RAB3GAP2: variants seen among roughly 807,000 people sequenced by gnomAD.
The protein encoded by RAB3GAP2 is rab3 GTPase-activating protein non-catalytic subunit.
RAB3GAP2 carries 87 observed loss-of-function variants against 185.3 expected under a neutral mutation model. That is an observed-to-expected ratio of 0.47 (90% CI 0.39 to 0.56). The LOEUF (loss-of-function observed/expected upper bound fraction) is 0.56, where lower values mean the gene tolerates loss of function less well. Ranked by LOEUF, RAB3GAP2 falls within the 20% of genes least tolerant of loss-of-function variation. RAB3GAP2 has a pLI of 0.00. For missense variants in RAB3GAP2, 1,492 were observed against 1,638.2 expected, an observed-to-expected ratio of 0.91 and a Z score of 1.54; for synonymous variants, 554 against 576.1, an observed-to-expected ratio of 0.96 and a Z score of 0.55.
chr1:220,175,459 C>T (rs143095689), intron 21 of RAB3GAP2, among the ~76,000 whole-genome samples: 23,214 of 151,908 alleles, frequency 0.15, 2,174 homozygotes, highest in Admixed American at 0.23. Context: ...CCTCGTGATT[C>T]GCCCGCCTTG....
At chr1:220,157,564 T>A (rs1300308920) in intron 30 of RAB3GAP2, 76 bp from the exon 31 acceptor site, 2 of 1,474,470 alleles carry the variant, frequency 1.4e-6, no homozygotes, top group African/African-American at 1.4e-5. Context: ...ATGAGTTTAT[T>A]AGCAGCAAAG....
At chr1:220,172,568 C>G in intron 22 of RAB3GAP2, 69 bp downstream of exon 22, 3 of 1,023,600 alleles carry the variant, frequency 2.9e-6, no homozygotes, top group Non-Finnish European at 4.7e-6. Context: ...GGATCCTATC[C>G]ACTCTCCCAT....
chr1:220,150,101 TTTTTC>T lies in RAB3GAP2; in HGVS notation c.*1145_*1149del, dbSNP rs1657719285. 7.7e-6 allele frequency: 1 copy of T among 130,188 alleles called. No homozygotes were observed. Among genetic ancestry groups the T allele is most frequent in the Non-Finnish European group, 1.6e-5 (1 of 64,180 alleles). 8.1% of individuals were successfully genotyped at this position (130,188 alleles called of 1,614,324 possible). ...TTTACAGAGTTTTGGTTAGTTTGGT[TTTTTC>T]TTTTTTTTTTTTTTTTCGAGACAGG... On this transcript the variant is annotated 3_prime_UTR_variant, in exon 35 of 35. Transcript: ENST00000358951.
intron 1 of RAB3GAP2, among the ~76,000 whole-genome samples, chr1:220,250,577 A>G (rs1196421722): frequency 6.6e-6 from 1 of 152,192 alleles, no homozygotes; most frequent in African/African-American, 2.4e-5. Context: ...ATGTGAGGAC[A>G]TGAGATTTGG....
intron 1 of RAB3GAP2, among the ~76,000 whole-genome samples, chr1:220,237,139 A>G (rs73087846): frequency 0.019 from 2,948 of 152,298 alleles, 98 homozygotes; most frequent in African/African-American, 0.066. Flanking sequence ...AAAAGGTATC[A>G]TGGAATTAAG....
At chr1:220,214,364 A>C (rs1478788293) in intron 2 of RAB3GAP2, among the ~76,000 whole-genome samples, 1 of 152,116 alleles carries the variant, frequency 6.6e-6, no homozygotes, top group Admixed American at 6.5e-5. Context: ...CATCTCTACT[A>C]ATAATACAAA....
chr1:220,235,666 T>C (rs1189381473), intron 1 of RAB3GAP2, among the ~76,000 whole-genome samples: 1 of 152,160 alleles, frequency 6.6e-6, no homozygotes, highest in Non-Finnish European at 1.5e-5. Context: ...TGAATGTGTA[T>C]AAAATAAACT....
intron 6 of RAB3GAP2, 147 bp from the exon 7 acceptor site, chr1:220,210,636 T>A (rs369872585): frequency 1.0e-6 from 1 of 969,692 alleles, no homozygotes; most frequent in East Asian, 2.6e-5. Flanking sequence ...CTTCTCTGTA[T>A]CTTCTACCAG....
chr1:220,185,799 A>T (rs1658497498), intron 17 of RAB3GAP2, 58 bp from the exon 18 acceptor site: 2 of 1,378,706 alleles, frequency 1.5e-6, no homozygotes, highest in Admixed American at 1.7e-5. Context: ...TTGTTTTTTA[A>T]ATCTTATATT....
At chr1:220,243,308 C>G (rs973029135) in intron 1 of RAB3GAP2, among the ~76,000 whole-genome samples, 1 of 148,414 alleles carries the variant, frequency 6.7e-6, no homozygotes, top group Non-Finnish European at 1.5e-5. Flanking sequence ...AAGCCGAGAT[C>G]GTGCCACTGC....
chr1:220,261,136 T>G (rs1394427717), intron 1 of RAB3GAP2, among the ~76,000 whole-genome samples: 1 of 152,170 alleles, frequency 6.6e-6, no homozygotes, highest in Non-Finnish European at 1.5e-5. Flanking sequence ...TTCTCTCTTC[T>G]GGGGAACTTA....
intron 1 of RAB3GAP2, chr1:220,254,632 T>C: frequency 1.0e-6 from 1 of 960,492 alleles, no homozygotes; most frequent in Non-Finnish European, 1.6e-6. Flanking sequence ...TTTGAAGATG[T>C]TAGTGTATAA....
At chr1:220,267,316 TG>T in intron 1 of RAB3GAP2, 1 of 1,007,044 alleles carries the variant, frequency 9.9e-7, no homozygotes. Context: ...GGTGGCATCA[TG>T]GAAATAACCA....
intron 1 of RAB3GAP2, among the ~76,000 whole-genome samples, chr1:220,247,023 A>G (rs2102518225): frequency 6.6e-6 from 1 of 152,334 alleles, no homozygotes; most frequent in South Asian, 2.1e-4. Context: ...CATCACTAAT[A>G]ATGAGGGAAA....
At chr1:220,255,307 T>C (rs796615442) in intron 1 of RAB3GAP2, among the ~76,000 whole-genome samples, 4 of 151,634 alleles carry the variant, frequency 2.6e-5, no homozygotes, top group African/African-American at 9.7e-5. Flanking sequence ...TGAAGATAGA[T>C]AGCCCCCAAA....
intron 9 of RAB3GAP2, among the ~76,000 whole-genome samples, chr1:220,199,437 A>G (rs924794061): frequency 7.9e-5 from 12 of 152,174 alleles, no homozygotes; most frequent in Admixed American, 7.9e-4. Context: ...TGTAACTTTC[A>G]TATCAAAAGT....
intron 9 of RAB3GAP2, among the ~76,000 whole-genome samples, chr1:220,199,490 CTTCTT>C (rs1324403603): frequency 2.0e-5 from 3 of 152,150 alleles, no homozygotes; most frequent in Non-Finnish European, 4.4e-5. Context: ...AATGGACCTT[CTTCTT>C]TTCTTGAACT....
chr1:220,232,059 C>G lies in RAB3GAP2; in HGVS notation c.180+740G>C, dbSNP rs184171010. 1.7e-3 allele frequency among the ~76,000 whole-genome samples: 259 copies of G among 152,230 alleles called. 1 individual carries two copies. Among genetic ancestry groups the G allele is most frequent in the Admixed American group, 2.8e-3 (43 of 15,294 alleles). On this transcript the variant is annotated intron_variant, in intron 2 of 34. Transcript: ENST00000358951. ...GAAAATATACTAACATATATAGGAA[C>G]TTTGTCTGCCTTGTTCCTTGCTATA...
Position 220,151,644 on chromosome 1 carries a change from T to C in RAB3GAP2, c.3988A>G (p.Arg1330Gly). The change falls in exon 34 of 35, where the codon AGA (arginine) becomes GGA (glycine). Residue 1330 changes from arginine (R) to glycine (G), a missense_variant. Around this residue, in one of 5 missense-constraint regions of RAB3GAP2, gnomAD observed 387 missense variants for 455.3 expected, o/e 0.85. Transcript: ENST00000358951. ...QTKEGMELLA[R>G]LPPTLCTWLK... ...CAAGTACACAGTGTGGGTGGAAGTC[T>C]GGCAAGCAGCTCCATTCCTTCTTTT... The C allele has an allele frequency of 6.2e-7, 1 of 1,612,424 alleles. No individual in the cohort carries two copies. Among genetic ancestry groups the C allele is most frequent in the Non-Finnish European group, 8.5e-7 (1 of 1,178,448 alleles).
Sources: gnomAD v4.1 joint callset for allele counts (sites outside exome capture counted in the v4.1 genomes callset) on GRCh38, gnomAD v4.1.1 for gene constraint, gnomAD v4.1.1 regional missense constraint, MANE v1.5 for transcripts, NCBI Gene and HGNC (gene_info 2026-07-23, HGNC 2026-07-21) for gene names.